Variants in RANBP3 observed in about 807,000 individuals in gnomAD.
RANBP3 encodes the protein ran-binding protein 3.
In RANBP3, 14 loss-of-function variants were observed where a neutral mutation model predicts 77.3. That is an observed-to-expected ratio of 0.18 (90% CI 0.12 to 0.28). The LOEUF is 0.28. Among genes scored for constraint, RANBP3 ranks in the 10% least tolerant of loss-of-function variants. RANBP3 has a pLI of 1.00. For missense variants in RANBP3, 586 were observed against 752.3 expected, an observed-to-expected ratio of 0.78 and a Z score of 2.59; for synonymous variants, 315 against 312.4, an observed-to-expected ratio of 1.01 and a Z score of -0.09.
intron 1 of RANBP3, among the ~76,000 whole-genome samples, chr19:5,972,894 G>A (rs1599807119): frequency 6.6e-6 from 1 of 152,144 alleles, no homozygotes; most frequent in Admixed American, 6.5e-5. Context: ...GAGGGTGCCG[G>A]GAAAATCCCA....
intron 3 of RANBP3, among the ~76,000 whole-genome samples, chr19:5,947,482 C>T (rs2058221329): frequency 1.3e-5 from 2 of 152,148 alleles, no homozygotes; most frequent in Non-Finnish European, 2.9e-5. Context: ...TCTACTGCTG[C>T]GAGGCGCAGG....
chr19:5,954,925 C>T (rs903233177), intron 2 of RANBP3, among the ~76,000 whole-genome samples: 1 of 152,146 alleles, frequency 6.6e-6, no homozygotes, highest in Non-Finnish European at 1.5e-5. Flanking sequence ...CCTCCGACAG[C>T]GAAGCAAACA....
chr19:5,918,954 T>C (rs1412020859), intron 14 of RANBP3, among the ~76,000 whole-genome samples: 1 of 152,086 alleles, frequency 6.6e-6, no homozygotes, highest in Non-Finnish European at 1.5e-5. Context: ...TCCACACAGG[T>C]GGGCACCAGG....
intron 1 of RANBP3, chr19:5,962,664 C>G (rs758248371): frequency 2.2e-6 from 1 of 455,826 alleles, no homozygotes; most frequent in Non-Finnish European, 4.4e-6. Flanking sequence ...CATGACTGAC[C>G]CAGCCACTGC....
chr19:5,917,744 T>C (rs370124716), intron 16 of RANBP3, 50 bp downstream of exon 16: 149 of 1,586,102 alleles, frequency 9.4e-5, no homozygotes, highest in Non-Finnish European at 1.2e-4. Flanking sequence ...GGATCAAGGA[T>C]GGCGGGCAGC....
intron 1 of RANBP3, among the ~76,000 whole-genome samples, chr19:5,969,351 G>A (rs2058504463): frequency 6.6e-6 from 1 of 152,160 alleles, no homozygotes; most frequent in Non-Finnish European, 1.5e-5. Flanking sequence ...TTCCACTCAC[G>A]CTCTGCTCTC....
In RANBP3 at chr19:5,956,234, T is replaced by C. The variant is rs1388016767; in HGVS notation, c.78+1684A>G. Among the ~76,000 whole-genome samples, 3 of 152,132 alleles carry C rather than the reference T, an allele frequency of 2.0e-5. No homozygotes were observed. The South Asian group carries it at 6.2e-4, about 31-fold the overall frequency. On this transcript the variant is annotated intron_variant, in intron 2 of 16. Coordinates refer to ENST00000340578, the MANE Select transcript of RANBP3 (RefSeq NM_007322.3). ...AAAAATGGTTCAAAAGATAATAAAA[T>C]GCAAAATTCTAGAAAATCCTGATTT...
Position 5,931,526 on chromosome 19 carries a change from T to G in RANBP3, c.571A>C (p.Ser191Arg). The G allele has an allele frequency of 1.2e-6, 2 of 1,606,720 alleles. No individual in the cohort carries two copies. The highest frequency in any genetic ancestry group is 4.5e-5 in the East Asian group (2 of 44,674). ...AGGCTGACCCCGTTGGTGCCACTGCTGGGGACTGTGGGAGGGAAGGAGAGT... is the reference window on the plus strand; with the variant it reads ...AGGCTGACCCCGTTGGTGCCACTGCGGGGGACTGTGGGAGGGAAGGAGAGT... ...QPKALSQTVP[S>R]SGTNGVSLPA... The change falls in exon 8 of 17, where the codon AGC becomes CGC. Residue 191 changes from serine to arginine, a missense_variant. Ser to Arg is a moderately radical substitution (Grantham distance 110, BLOSUM62 -1). Coordinates refer to ENST00000340578, the MANE Select transcript of RANBP3 (RefSeq NM_007322.3).
chr19:5,928,169 G>C, intron 8 of RANBP3, 82 bp from the exon 9 acceptor site: 1 of 1,510,132 alleles, frequency 6.6e-7, no homozygotes, highest in South Asian at 1.3e-5. Flanking sequence ...TCCCACACCA[G>C]ATCATGTACT....
chr19:5,955,114 G>C (rs751576847), intron 2 of RANBP3, among the ~76,000 whole-genome samples: 2 of 152,156 alleles, frequency 1.3e-5, no homozygotes, highest in Non-Finnish European at 2.9e-5. Context: ...ACTATACTTG[G>C]CATTTTATTT....
chr19:5,967,145 G>A (rs756848348), intron 1 of RANBP3, among the ~76,000 whole-genome samples: 2 of 152,194 alleles, frequency 1.3e-5, no homozygotes, highest in Non-Finnish European at 2.9e-5. Flanking sequence ...ATGCCTCTGC[G>A]GATCTCCGTG....
In RANBP3 at chr19:5,919,901, C is replaced by CAAA. The variant is rs5826910; in HGVS notation, c.1331-1266_1331-1264dup. The stretch of plus-strand genomic sequence containing the variant: ...GGGCAACAAGGGCAAAACTCCGTCT[C>CAAA]AAAAAAAAAAAAAAAAGACGTCCAT... On this transcript the variant is annotated intron_variant, in intron 14 of 16. Transcript: ENST00000340578. Among the ~76,000 whole-genome samples, 1,095 of 129,894 alleles carry CAAA rather than the reference C, an allele frequency of 8.4e-3. 17 individuals carry two copies. The highest frequency in any genetic ancestry group is 0.072 in the South Asian group (272 of 3,790). The allele number at this position is 129,894 out of a possible 152,430, so 85.2% of individuals were successfully genotyped here.
chr19:5,928,715 T>A (rs1346524223), intron 8 of RANBP3, among the ~76,000 whole-genome samples: 1 of 152,084 alleles, frequency 6.6e-6, no homozygotes, highest in Admixed American at 6.6e-5. Context: ...TGGCTCCTGC[T>A]TGTTACTTTC....
intron 8 of RANBP3, among the ~76,000 whole-genome samples, chr19:5,929,508 G>A (rs1042809125): frequency 4.6e-5 from 7 of 152,236 alleles, no homozygotes; most frequent in African/African-American, 1.4e-4. Flanking sequence ...ATGACCTGGC[G>A]GAGCCTGCTT....
chr19:5,945,858 G>C (rs909634149), intron 3 of RANBP3, among the ~76,000 whole-genome samples: 1 of 151,832 alleles, frequency 6.6e-6, no homozygotes, highest in African/African-American at 2.4e-5. Flanking sequence ...GCAGCCCCGG[G>C]AACACTGTGG....
At chr19:5,967,028 C>T (rs371588932) in intron 1 of RANBP3, among the ~76,000 whole-genome samples, 9 of 152,368 alleles carry the variant, frequency 5.9e-5, no homozygotes, top group African/African-American at 2.2e-4. Flanking sequence ...ATAAACAGTT[C>T]TGTGCCACAG....
chr19:5,938,009 T>C (rs2058088410), intron 5 of RANBP3, among the ~76,000 whole-genome samples: 1 of 152,052 alleles, frequency 6.6e-6, no homozygotes, highest in African/African-American at 2.4e-5. Context: ...ATCGTGCCCT[T>C]CCTGAGGACC....
At chr19:5,938,980 T>C (rs965606787) in intron 5 of RANBP3, among the ~76,000 whole-genome samples, 5 of 151,792 alleles carry the variant, frequency 3.3e-5, no homozygotes, top group Non-Finnish European at 5.9e-5. Flanking sequence ...AGGTCAGGAG[T>C]TGGAGACCAG....
At chr19:5,935,737 C>T (rs1286733412) in intron 5 of RANBP3, 2 of 456,666 alleles carry the variant, frequency 4.4e-6, no homozygotes, top group Non-Finnish European at 8.8e-6. Flanking sequence ...TGCAGACAGA[C>T]AAGGCGTGCT....
Sources: gnomAD v4.1 joint callset for allele counts (sites outside exome capture counted in the v4.1 genomes callset) on GRCh38, gnomAD v4.1.1 for gene constraint, MANE v1.5 for transcripts, NCBI Gene and HGNC (gene_info 2026-07-23, HGNC 2026-07-21) for gene names.